LEMD1: variants seen among roughly 807,000 people sequenced by gnomAD.
LEMD1 encodes the protein LEM domain containing 1.
In LEMD1, 18 loss-of-function variants were observed where a neutral mutation model predicts 17.4. The observed-to-expected ratio is 1.04, with a 90% CI of 0.72 to 1.54. The LOEUF is 1.54. Ranked by LOEUF, LEMD1 falls within the 40% of genes most tolerant of loss-of-function variation. The pLI is 0.00. For missense variants in LEMD1, 195 were observed against 210.4 expected, an observed-to-expected ratio of 0.93 and a Z score of 0.45; for synonymous variants, 88 against 77.8, an observed-to-expected ratio of 1.13 and a Z score of -0.69.
intron 4 of LEMD1, among the ~76,000 whole-genome samples, chr1:205,412,408 G>T (rs909772269): frequency 5.9e-5 from 9 of 152,258 alleles, no homozygotes; most frequent in Non-Finnish European, 1.3e-4. Flanking sequence ...ATTTGATAAA[G>T]CAGACACATA....
intron 1 of LEMD1, among the ~76,000 whole-genome samples, chr1:205,447,053 C>G (rs773085766): frequency 6.6e-6 from 1 of 152,242 alleles, no homozygotes; most frequent in Admixed American, 6.5e-5. Context: ...AACAACCTCC[C>G]GTCTGGGTAC....
intron 4 of LEMD1, among the ~76,000 whole-genome samples, chr1:205,389,653 T>C (rs1022337186): frequency 6.6e-6 from 1 of 152,222 alleles, no homozygotes. Flanking sequence ...TGAAACATAA[T>C]ACATTCTCCA....
At chr1:205,439,775 G>C (rs6657330) in intron 1 of LEMD1, among the ~76,000 whole-genome samples, 39,165 of 152,074 alleles carry the variant, frequency 0.26, 5,766 homozygotes, top group African/African-American at 0.4. Context: ...GCTGGCATTC[G>C]TCTCTGCCTG....
chr1:205,449,679 C>T (rs1348932476), intron 1 of LEMD1, among the ~76,000 whole-genome samples: 1 of 152,198 alleles, frequency 6.6e-6, no homozygotes, highest in Non-Finnish European at 1.5e-5. Context: ...ATCCTGCGGC[C>T]TCCCACCTGA....
At chr1:205,415,355 G>A (rs12749268) in intron 4 of LEMD1, among the ~76,000 whole-genome samples, 61 of 152,264 alleles carry the variant, frequency 4.0e-4, no homozygotes, top group Non-Finnish European at 2.8e-4. Context: ...GCGTGTGTGG[G>A]GACGCCGCAA....
At chr1:205,400,337 C>T (rs896295199) in intron 4 of LEMD1, among the ~76,000 whole-genome samples, 1 of 152,192 alleles carries the variant, frequency 6.6e-6, no homozygotes, top group Non-Finnish European at 1.5e-5. Flanking sequence ...GGATTACAGG[C>T]GTGAGCCACT....
chr1:205,395,071 A>G (rs902437177), intron 4 of LEMD1, among the ~76,000 whole-genome samples: 5 of 152,110 alleles, frequency 3.3e-5, no homozygotes, highest in Non-Finnish European at 7.4e-5. Context: ...TACTGTGATT[A>G]TATAAGTGAT....
At chr1:205,438,142 A>G (rs955745849) in intron 1 of LEMD1, among the ~76,000 whole-genome samples, 1 of 152,202 alleles carries the variant, frequency 6.6e-6, no homozygotes, top group Non-Finnish European at 1.5e-5. Flanking sequence ...TCTTCCATTC[A>G]GCAGCCTGAA....
At chr1:205,407,389 G>A (rs1360385503) in intron 4 of LEMD1, among the ~76,000 whole-genome samples, 1 of 150,512 alleles carries the variant, frequency 6.6e-6, no homozygotes, top group Non-Finnish European at 1.5e-5. Flanking sequence ...CCTCCAGGTA[G>A]AGGAGGGGAG....
At chr1:205,396,552 C>T (rs1427116994) in intron 4 of LEMD1, among the ~76,000 whole-genome samples, 4 of 151,920 alleles carry the variant, frequency 2.6e-5, no homozygotes, top group Non-Finnish European at 5.9e-5. Context: ...ATCCAAATGT[C>T]CAACAAATAG....
chr1:205,398,231 T>G (rs1159926365), intron 4 of LEMD1, among the ~76,000 whole-genome samples: 1 of 152,240 alleles, frequency 6.6e-6, no homozygotes, highest in African/African-American at 2.4e-5. Flanking sequence ...AATATACAAC[T>G]ACTACTGGGA....
chr1:205,423,248 G>T (rs1214428173), upstream of LEMD1, among the ~76,000 whole-genome samples: 1 of 152,192 alleles, frequency 6.6e-6, no homozygotes, highest in Non-Finnish European at 1.5e-5. Flanking sequence ...TCTGAATAGA[G>T]CATCAGTTTT....
chr1:205,424,171 A>C (rs940910344), upstream of LEMD1, among the ~76,000 whole-genome samples: 11 of 152,254 alleles, frequency 7.2e-5, no homozygotes, highest in Non-Finnish European at 1.6e-4. Context: ...CAAAAGGAGA[A>C]ATCAACTAAA....
chr1:205,396,677 C>G (rs61260204), intron 4 of LEMD1, among the ~76,000 whole-genome samples: 2,066 of 152,248 alleles, frequency 0.014, 36 homozygotes, highest in African/African-American at 0.046. Flanking sequence ...GTAAGGGAAG[C>G]TGCAGAAGAA....
intron 1 of LEMD1, among the ~76,000 whole-genome samples, chr1:205,449,212 A>G (rs1377169106): frequency 6.6e-6 from 1 of 152,166 alleles, no homozygotes; most frequent in South Asian, 2.1e-4. Context: ...TGAAGAGCTG[A>G]GTTAAGGCGA....
chr1:205,420,965 T>A (rs987792426), intron 1 of LEMD1, among the ~76,000 whole-genome samples: 359 of 150,498 alleles, frequency 2.4e-3, no homozygotes, highest in African/African-American at 8.0e-3. Context: ...TTTTTTTTTT[T>A]AGTGAGTTAA....
In LEMD1 at chr1:205,382,356, G is replaced by A. The variant is rs6684505; in HGVS notation, c.348-500C>T. 2.8e-3 allele frequency among the ~76,000 whole-genome samples: 426 copies of A among 152,014 alleles called. 4 individuals are homozygous for A. The highest frequency in any genetic ancestry group is 1.0e-2 in the African/African-American group (414 of 41,532). On this transcript the variant is annotated intron_variant, in intron 5 of 5. Coordinates refer to ENST00000367153, the MANE Select transcript of LEMD1 (RefSeq NM_001199050.2). ...CAGTTGAGCCGAGGAGTTTGAGGCT[G>A]CAGTGTACTATGATTGTGCCACTGC...
At chr1:205,403,160 C>G (rs1368664193) in intron 4 of LEMD1, among the ~76,000 whole-genome samples, 1 of 152,120 alleles carries the variant, frequency 6.6e-6, no homozygotes, top group Non-Finnish European at 1.5e-5. Flanking sequence ...GTCTAAAATT[C>G]TCTTTTTTGG....
At chr1:205,416,633 A>T (rs1285436128) in intron 3 of LEMD1, among the ~76,000 whole-genome samples, 1 of 152,174 alleles carries the variant, frequency 6.6e-6, no homozygotes, top group African/African-American at 2.4e-5. Context: ...GAATGCCAAG[A>T]TAGGAAGGGA....
Sources: gnomAD v4.1 joint callset for allele counts (sites outside exome capture counted in the v4.1 genomes callset) on GRCh38, gnomAD v4.1.1 for gene constraint, MANE v1.5 for transcripts, NCBI Gene and HGNC (gene_info 2026-07-23, HGNC 2026-07-21) for gene names.